AKAP13: variants seen among roughly 807,000 people sequenced by gnomAD.
AKAP13 encodes the protein A-kinase anchoring protein 13, also known as A-kinase anchor protein 13.
A neutral mutation model predicts 264.5 loss-of-function variants in AKAP13; 80 were observed. That is an observed-to-expected ratio of 0.30 (90% CI 0.25 to 0.36). The LOEUF (loss-of-function observed/expected upper bound fraction) is 0.36, where lower values mean the gene tolerates loss of function less well. Among genes scored for constraint, AKAP13 ranks in the 10% least tolerant of loss-of-function variants. AKAP13 has a pLI of 1.00. For synonymous variants in AKAP13, 1,380 were observed against 1,250.2 expected (o/e 1.10, Z -2.19); for missense variants, 3,712 against 3,435.2 (o/e 1.08, Z -2.01).
intron 17 of AKAP13, among the ~76,000 whole-genome samples, chr15:85,698,019 A>G (rs35599841): frequency 6.6e-6 from 1 of 152,196 alleles, no homozygotes. Flanking sequence ...TCAGGCACCC[A>G]CAGTGGCTTA....
chr15:85,520,737 C>T (rs1353284076), intron 2 of AKAP13: 1 of 518,360 alleles, frequency 1.9e-6, no homozygotes, highest in Non-Finnish European at 3.9e-6. Context: ...GAACATGTTC[C>T]AGGAGCTTTC....
intron 5 of AKAP13, among the ~76,000 whole-genome samples, chr15:85,550,029 G>T (rs529556520): frequency 1.3e-5 from 2 of 152,230 alleles, no homozygotes; most frequent in South Asian, 4.1e-4. Context: ...TGATTCTCCT[G>T]CCTTAGCCTC....
At position 85,483,644 on chromosome 15, in the gene AKAP13, A is replaced by AAAAAAC. The variant is rs1567080839; in HGVS notation, c.-11-2061_-11-2060insCAAAAA. Among the ~76,000 whole-genome samples the AAAAAAC allele has an allele frequency of 6.5e-3, 823 of 127,134 alleles. 17 individuals carry two copies. The highest frequency in any genetic ancestry group is 0.022 in the African/African-American group (759 of 34,556). 83.4% of individuals were successfully genotyped at this position (127,134 alleles called of 152,430 possible). A position where few individuals can be genotyped will look rare whatever the true frequency, so the allele number is the denominator to read the frequency against. On this transcript the variant is annotated intron_variant, in intron 1 of 36. Transcript: ENST00000394518. ...CGAGACTCCGTCTCAAAAAAAAAAA[A>AAAAAAC]AAAAAAACACCAAAAAATCAGCTGG...
At chr15:85,386,480 G>C (rs1188047621) in intron 1 of AKAP13, among the ~76,000 whole-genome samples, 1 of 151,820 alleles carries the variant, frequency 6.6e-6, no homozygotes, top group East Asian at 1.9e-4. Flanking sequence ...ACTAGTGATG[G>C]GGTTTCACCA....
At chr15:85,636,570 A>G (rs1255989570) in intron 8 of AKAP13, among the ~76,000 whole-genome samples, 1 of 150,904 alleles carries the variant, frequency 6.6e-6, no homozygotes, top group East Asian at 1.9e-4. Flanking sequence ...TTCTGTTCCT[A>G]GTGTTCTGAG....
In AKAP13 at chr15:85,655,373, T is replaced by C. The variant is rs747248258; in HGVS notation, c.4375-44T>C. On this transcript the variant is annotated intron_variant, in intron 10 of 36. Transcript: ENST00000394518. The stretch of plus-strand genomic sequence containing the variant: ...TCTAGAATAACTGAGGCTATCTGAT[T>C]GGCCCTGCTGGCTTCAACCATATGT... The C allele has an allele frequency of 5.7e-6, 9 of 1,578,026 alleles. No homozygotes were observed. In the South Asian group the frequency reaches 1.1e-4, roughly 18 times the overall value.
At chr15:85,531,110 CT>C (rs1596453279) in intron 3 of AKAP13, among the ~76,000 whole-genome samples, 1 of 152,314 alleles carries the variant, frequency 6.6e-6, no homozygotes. Flanking sequence ...ATCTGCCTGC[CT>C]CGGCCTCCCA....
chr15:85,552,802 G>T (rs1403797036), intron 5 of AKAP13, among the ~76,000 whole-genome samples: 1 of 150,756 alleles, frequency 6.6e-6, no homozygotes, highest in East Asian at 2.0e-4. Flanking sequence ...TAATTTTTTT[G>T]TATGTTTTTT....
chr15:85,508,877 C>A (rs1188974614), intron 2 of AKAP13, among the ~76,000 whole-genome samples: 1 of 152,122 alleles, frequency 6.6e-6, no homozygotes, highest in East Asian at 1.9e-4. Context: ...CCTTAACTTG[C>A]TTCATTCAGG....
chr15:85,625,792 G>C (rs138179299), intron 8 of AKAP13, among the ~76,000 whole-genome samples: 6 of 152,182 alleles, frequency 3.9e-5, no homozygotes, highest in Admixed American at 3.9e-4. Context: ...GTTTCAAATG[G>C]AGCCACATAG....
At chr15:85,635,205 C>G in intron 8 of AKAP13, 1 of 397,542 alleles carries the variant, frequency 2.5e-6, no homozygotes, top group Non-Finnish European at 4.4e-6. Flanking sequence ...GTTCTAGTTG[C>G]TCCACATCTT....
chr15:85,719,985 C>T (rs1362260661), intron 23 of AKAP13, among the ~76,000 whole-genome samples: 1 of 151,820 alleles, frequency 6.6e-6, no homozygotes, highest in Non-Finnish European at 1.5e-5. Flanking sequence ...GTAATCCCAA[C>T]AGTTCGGGAG....
intron 1 of AKAP13, among the ~76,000 whole-genome samples, chr15:85,448,291 G>A (rs1012338250): frequency 6.6e-6 from 1 of 152,038 alleles, no homozygotes; most frequent in African/African-American, 2.4e-5. Context: ...TGCATAGTTT[G>A]CAAATATTTT....
At chr15:85,402,658 T>C (rs2071480098) in intron 1 of AKAP13, among the ~76,000 whole-genome samples, 1 of 152,250 alleles carries the variant, frequency 6.6e-6, no homozygotes, top group Non-Finnish European at 1.5e-5. Context: ...CTATTTATGC[T>C]AGCTGCCATT....
chr15:85,657,667 G>A (rs568920896), intron 11 of AKAP13, among the ~76,000 whole-genome samples: 4 of 147,064 alleles, frequency 2.7e-5, no homozygotes, highest in Non-Finnish European at 4.5e-5. Flanking sequence ...TGAGACCCTA[G>A]ATTTTATAAA....
chr15:85,500,484 G>A (rs138770722), intron 2 of AKAP13, among the ~76,000 whole-genome samples: 40 of 152,258 alleles, frequency 2.6e-4, no homozygotes, highest in African/African-American at 8.4e-4. Context: ...AGCTAGATTC[G>A]TGAAGTCAGC....
chr15:85,468,613 C>T (rs2074841091), intron 1 of AKAP13, among the ~76,000 whole-genome samples: 1 of 152,142 alleles, frequency 6.6e-6, no homozygotes, highest in African/African-American at 2.4e-5. Context: ...TGTTCTTTAT[C>T]CAAGCAAAGC....
rs143515372 is a variant in AKAP13, at chr15:85,478,685, C to T, written c.-11-7025C>T. ...GACTCTTCATTTCCTTCATGTCATG[C>T]CTGCCTCCTTTGTCCCACTCCCAAC... On this transcript the variant is annotated intron_variant, in intron 1 of 36. Transcript: ENST00000394518. 1.3e-4 allele frequency among the ~76,000 whole-genome samples: 20 copies of T among 151,952 alleles called. 1 individual carries two copies. The highest frequency in any genetic ancestry group is 4.8e-4 in the African/African-American group (20 of 41,368).
intron 1 of AKAP13, among the ~76,000 whole-genome samples, chr15:85,430,736 A>G (rs1265117257): frequency 1.3e-5 from 2 of 152,154 alleles, no homozygotes; most frequent in Admixed American, 6.5e-5. Context: ...AATACCTACC[A>G]TATACGGGGC....
Sources: gnomAD v4.1 joint callset for allele counts (sites outside exome capture counted in the v4.1 genomes callset) on GRCh38, gnomAD v4.1.1 for gene constraint, MANE v1.5 for transcripts, NCBI Gene and HGNC (gene_info 2026-07-23, HGNC 2026-07-21) for gene names.